Variants in DRC11 observed in about 807,000 individuals in gnomAD.
DRC11 encodes the protein dynein regulatory complex subunit 11.
chr2:236,459,543 ATACG>A, the DRC11 span, among the ~76,000 whole-genome samples: 517 of 99,012 alleles, frequency 5.2e-3, 5 homozygotes, highest in Non-Finnish European at 8.4e-3. Context: ...ACGTATACGT[ATACG>A]TATACATGTA....
chr2:236,491,188 G>GAATATATA, the DRC11 span, among the ~76,000 whole-genome samples: 1 of 24,774 alleles, frequency 4.0e-5, no homozygotes, highest in Non-Finnish European at 7.5e-5. Flanking sequence ...TATACACACA[G>GAATATATA]TATATATATA....
chr2:236,442,503 T>C, the DRC11 span, among the ~76,000 whole-genome samples: 2 of 152,220 alleles, frequency 1.3e-5, no homozygotes, highest in African/African-American at 4.8e-5. Context: ...TCCTACAGGC[T>C]AGCTGTGATG....
At chr2:236,462,509 T>C in the DRC11 span, among the ~76,000 whole-genome samples, 1 of 152,020 alleles carries the variant, frequency 6.6e-6, no homozygotes, top group East Asian at 1.9e-4. The surrounding 1 kb of genome is among the most constrained non-coding windows in gnomAD (Gnocchi z 6.4). Flanking sequence ...CTGTCTCTAC[T>C]AAAAATATAA....
chr2:236,437,127 T>C, the DRC11 span, among the ~76,000 whole-genome samples: 1 of 135,518 alleles, frequency 7.4e-6, no homozygotes, highest in South Asian at 2.6e-4. Flanking sequence ...GAGTGTGATG[T>C]TCCCCTTCCT....
chr2:236,379,237 G>A, the DRC11 span, among the ~76,000 whole-genome samples: 1 of 152,170 alleles, frequency 6.6e-6, no homozygotes, highest in Non-Finnish European at 1.5e-5. Context: ...GGTAGCGACA[G>A]GACTAAGGGA....
At chr2:236,306,774 A>G in the DRC11 span, among the ~76,000 whole-genome samples, 793 of 152,278 alleles carry the variant, frequency 5.2e-3, 20 homozygotes, top group Admixed American at 0.037. This position sits in a 1 kb window ranked among gnomAD's most constrained non-coding sequence, Gnocchi z 5.9. Context: ...GCCCATGTCA[A>G]ATTTTCTATT....
the DRC11 span, among the ~76,000 whole-genome samples, chr2:236,432,839 A>C: frequency 0.01 from 1,593 of 152,026 alleles, 24 homozygotes; most frequent in African/African-American, 0.036. Flanking sequence ...GATCTTTCCC[A>C]TTCTGAGGTT....
the DRC11 span, among the ~76,000 whole-genome samples, chr2:236,347,917 C>T: frequency 2.6e-5 from 4 of 151,964 alleles, no homozygotes. Flanking sequence ...ACTATAGCAC[C>T]TGCCAGTGGA....
the DRC11 span, among the ~76,000 whole-genome samples, chr2:236,405,217 G>C: frequency 1.3e-5 from 2 of 152,020 alleles, no homozygotes; most frequent in Non-Finnish European, 2.9e-5. This position sits in a 1 kb window ranked among gnomAD's most constrained non-coding sequence, Gnocchi z 4.6. Flanking sequence ...TCATGCCTCC[G>C]CCATTTTCCA....
chr2:236,349,529 T>C, the DRC11 span, among the ~76,000 whole-genome samples: 30 of 152,184 alleles, frequency 2.0e-4, no homozygotes, highest in Non-Finnish European at 3.8e-4. The surrounding 1 kb of genome is among the most constrained non-coding windows in gnomAD (Gnocchi z 5.5). Flanking sequence ...CATGGAACAC[T>C]ATGCCGCCAT....
At chr2:236,375,070 G>A in the DRC11 span, among the ~76,000 whole-genome samples, 1 of 151,832 alleles carries the variant, frequency 6.6e-6, no homozygotes, top group African/African-American at 2.4e-5. This position sits in a 1 kb window ranked among gnomAD's most constrained non-coding sequence, Gnocchi z 4.2. Context: ...AAGGAGGATG[G>A]TACTAAACCG....
chr2:236,488,920 T>C, the DRC11 span, among the ~76,000 whole-genome samples: 1 of 151,646 alleles, frequency 6.6e-6, no homozygotes, highest in African/African-American at 2.4e-5. Flanking sequence ...CTGTGTGGGC[T>C]CTGGGTGCAG....
the DRC11 span, among the ~76,000 whole-genome samples, chr2:236,397,797 GT>G: frequency 1.3e-5 from 2 of 152,168 alleles, no homozygotes; most frequent in East Asian, 3.9e-4. This position sits in a 1 kb window ranked among gnomAD's most constrained non-coding sequence, Gnocchi z 5.0. Flanking sequence ...TGTTGTTACT[GT>G]CATCCGAACT....
chr2:236,347,718 G>T, the DRC11 span, among the ~76,000 whole-genome samples: 2 of 151,732 alleles, frequency 1.3e-5, no homozygotes, highest in South Asian at 2.1e-4. Flanking sequence ...AGAGTGGGAG[G>T]GGGGTGAGGG....
the DRC11 span, among the ~76,000 whole-genome samples, chr2:236,336,458 G>A: frequency 2.0e-5 from 3 of 149,180 alleles, no homozygotes; most frequent in Admixed American, 1.3e-4. The surrounding 1 kb of genome is among the most constrained non-coding windows in gnomAD (Gnocchi z 7.3). Flanking sequence ...CTGCCACCAC[G>A]GCCACCACCA....
At chr2:236,460,864 C>G in the DRC11 span, among the ~76,000 whole-genome samples, 1 of 152,168 alleles carries the variant, frequency 6.6e-6, no homozygotes, top group African/African-American at 2.4e-5. This position sits in a 1 kb window ranked among gnomAD's most constrained non-coding sequence, Gnocchi z 4.0. Flanking sequence ...AAGCAATCCT[C>G]TCACTTCAAC....
At chr2:236,441,547 T>C in the DRC11 span, among the ~76,000 whole-genome samples, 1 of 152,292 alleles carries the variant, frequency 6.6e-6, no homozygotes, top group South Asian at 2.1e-4. Flanking sequence ...ACACCCATGC[T>C]TTAGGTTTTA....
the DRC11 span, chr2:236,507,126 G>C: frequency 8.3e-6 from 7 of 839,832 alleles, no homozygotes; most frequent in Non-Finnish European, 1.3e-5. Context: ...GAAAAAAAGT[G>C]GGGGAGAGGA....
At chr2:236,467,618 A>G in the DRC11 span, among the ~76,000 whole-genome samples, 2 of 152,216 alleles carry the variant, frequency 1.3e-5, no homozygotes, top group Non-Finnish European at 1.5e-5. Flanking sequence ...AGCCTGCACC[A>G]ATAGCTAAGT....
Sources: gnomAD v4.1 joint callset for allele counts (sites outside exome capture counted in the v4.1 genomes callset) on GRCh38, gnomAD v4.1.1 for gene constraint, Gnocchi (gnomAD v3.1) non-coding constraint, MANE v1.5 for transcripts, NCBI Gene and HGNC (gene_info 2026-07-23, HGNC 2026-07-21) for gene names.